DTNA: variants seen among roughly 807,000 people sequenced by gnomAD.
DTNA encodes dystrobrevin alpha.
Under a neutral mutation model 100.7 loss-of-function variants are expected in DTNA, and 43 were observed. The ratio of observed to expected loss-of-function variants is 0.43; its 90% CI spans 0.33 to 0.55. The LOEUF is 0.55. Ranked by LOEUF, DTNA falls within the 20% of genes least tolerant of loss-of-function variation. DTNA has a pLI of 0.04. For missense variants in DTNA, 798 were observed against 953.9 expected, an observed-to-expected ratio of 0.84 and a Z score of 2.15; for synonymous variants, 349 against 347.9, an observed-to-expected ratio of 1.00 and a Z score of -0.04.
rs566709526 is a variant in DTNA at position 34,858,476 on chromosome 18, G to A, written c.1646+78G>A. The A allele has an allele frequency of 1.1e-4, 163 of 1,447,654 alleles. 1 individual carries two copies. In the African/African-American group the frequency reaches 2.1e-3, roughly 18 times the overall value. The allele number at this position is 1,447,654 out of a possible 1,614,324, so 89.7% of individuals were successfully genotyped here. On this transcript the variant is annotated intron_variant, in intron 16 of 22. Transcript: ENST00000444659. ...GAGAAAGTCTAGCAGTGTCTAGCCAGAAAACAGTCCTCAGCTACCTTAGCT... is the reference window on the plus strand; with the variant it reads ...GAGAAAGTCTAGCAGTGTCTAGCCAAAAAACAGTCCTCAGCTACCTTAGCT...
intron 1 of DTNA, among the ~76,000 whole-genome samples, chr18:34,661,925 C>T (rs1043498139): frequency 5.3e-5 from 8 of 151,960 alleles, no homozygotes; most frequent in Non-Finnish European, 1.2e-4. Context: ...TCTGGATTTC[C>T]ACCCTGAGCT....
chr18:34,805,296 A>T (rs113787756), intron 4 of DTNA, among the ~76,000 whole-genome samples: 334 of 152,260 alleles, frequency 2.2e-3, no homozygotes, highest in African/African-American at 7.9e-3. Flanking sequence ...CACTTGTGTC[A>T]TTTGGGTAGA....
intron 1 of DTNA, among the ~76,000 whole-genome samples, chr18:34,589,623 C>T (rs551232033): frequency 7.9e-5 from 12 of 151,602 alleles, no homozygotes; most frequent in Non-Finnish European, 1.3e-4. Context: ...CAAAACAAAA[C>T]GAAAAAAAAG....
intron 4 of DTNA, among the ~76,000 whole-genome samples, chr18:34,797,684 A>G (rs970054213): frequency 9.9e-5 from 15 of 152,222 alleles, no homozygotes; most frequent in Admixed American, 7.8e-4. Flanking sequence ...AAAGATGAAA[A>G]TAATTCTTAA....
chr18:34,664,160 T>C (rs1266447679), intron 1 of DTNA, among the ~76,000 whole-genome samples: 3 of 152,132 alleles, frequency 2.0e-5, no homozygotes, highest in Non-Finnish European at 4.4e-5. Context: ...TGGAGTTTCT[T>C]CATATTTGTC....
chr18:34,519,220 A>G (rs1033878162), intron 1 of DTNA, among the ~76,000 whole-genome samples: 16 of 152,182 alleles, frequency 1.1e-4, no homozygotes, highest in African/African-American at 3.6e-4. Flanking sequence ...TTCCGATATG[A>G]AGCTAAAGCT....
chr18:34,501,065 G>T (rs1447054821), intron 1 of DTNA, among the ~76,000 whole-genome samples: 1 of 152,088 alleles, frequency 6.6e-6, no homozygotes, highest in Non-Finnish European at 1.5e-5. Context: ...CACTCTTTCT[G>T]CATTAAGTAT....
intron 17 of DTNA, among the ~76,000 whole-genome samples, chr18:34,870,753 T>C (rs996131582): frequency 1.3e-5 from 2 of 152,024 alleles, no homozygotes; most frequent in African/African-American, 4.8e-5. Context: ...CCACAATACG[T>C]GTCACATTTC....
At chr18:34,532,870 G>A (rs970806749) in intron 1 of DTNA, among the ~76,000 whole-genome samples, 2 of 151,846 alleles carry the variant, frequency 1.3e-5, no homozygotes, top group African/African-American at 4.8e-5. Flanking sequence ...CTGTATATAG[G>A]GTGGAATTGA....
At chr18:34,674,748 T>C (rs1364487121) in intron 1 of DTNA, among the ~76,000 whole-genome samples, 1 of 152,254 alleles carries the variant, frequency 6.6e-6, no homozygotes, top group Non-Finnish European at 1.5e-5. Context: ...TGATGATTGC[T>C]ATTCATCATT....
At chr18:34,723,618 G>A (rs1336362395) in intron 1 of DTNA, among the ~76,000 whole-genome samples, 1 of 152,106 alleles carries the variant, frequency 6.6e-6, no homozygotes, top group Non-Finnish European at 1.5e-5. Context: ...TAAAAATAGG[G>A]CCAGGCACGG....
chr18:34,540,303 A>G lies in DTNA; in HGVS notation c.-2+46789A>G, dbSNP rs553350154. On this transcript the variant is annotated intron_variant, in intron 1 of 19. Transcript: ENST00000283365. ...AAAGTTGTGGAAAGGAAAGAATAGA[A>G]CACAAGCATGCAAGCCATAAGATTT... 8.5e-5 allele frequency among the ~76,000 whole-genome samples: 13 copies of G among 152,160 alleles called. 1 individual carries two copies. The South Asian group carries it at 1.2e-3, about 15-fold the overall frequency.
intron 3 of DTNA, among the ~76,000 whole-genome samples, chr18:34,786,021 C>T (rs1416832349): frequency 1.3e-5 from 2 of 152,164 alleles, no homozygotes; most frequent in Non-Finnish European, 2.9e-5. Context: ...GGCTAAGTTC[C>T]TCTCCCTACC....
intron 1 of DTNA, among the ~76,000 whole-genome samples, chr18:34,498,842 T>C (rs1180146530): frequency 6.6e-6 from 1 of 152,246 alleles, no homozygotes; most frequent in South Asian, 2.1e-4. Flanking sequence ...TAAATCATAC[T>C]ATACATTTAT....
chr18:34,506,965 C>A (rs1198337919), intron 1 of DTNA, among the ~76,000 whole-genome samples: 2 of 152,170 alleles, frequency 1.3e-5, no homozygotes, highest in East Asian at 3.9e-4. Flanking sequence ...CCCGTTGATT[C>A]TCAGAGGATA....
intron 18 of DTNA, among the ~76,000 whole-genome samples, chr18:34,876,992 T>C (rs1257715906): frequency 1.3e-5 from 2 of 152,300 alleles, no homozygotes; most frequent in East Asian, 3.9e-4. Context: ...TTCTGAAAAA[T>C]GACGGAATGA....
At chr18:34,849,558 T>G (rs1315756271) in intron 14 of DTNA, among the ~76,000 whole-genome samples, 4 of 152,178 alleles carry the variant, frequency 2.6e-5, no homozygotes, top group African/African-American at 9.7e-5. Context: ...TCCACTGAGA[T>G]AGTAAAATGT....
intron 1 of DTNA, among the ~76,000 whole-genome samples, chr18:34,572,365 T>C (rs1453670663): frequency 1.3e-5 from 2 of 152,226 alleles, no homozygotes; most frequent in Admixed American, 1.3e-4. Flanking sequence ...ACCATGATAA[T>C]GATGATAGTT....
intron 14 of DTNA, among the ~76,000 whole-genome samples, chr18:34,849,209 A>G (rs993627457): frequency 1.3e-5 from 2 of 152,230 alleles, no homozygotes; most frequent in Non-Finnish European, 1.5e-5. Flanking sequence ...TTTAAGGGCC[A>G]TAAGTAAGGA....
Sources: gnomAD v4.1 joint callset for allele counts (sites outside exome capture counted in the v4.1 genomes callset) on GRCh38, gnomAD v4.1.1 for gene constraint, MANE v1.5 for transcripts, NCBI Gene and HGNC (gene_info 2026-07-23, HGNC 2026-07-21) for gene names.